Variants in FN3KRP observed in about 807,000 individuals in gnomAD.
FN3KRP encodes ketosamine-3-kinase.
In FN3KRP, 33 loss-of-function variants were observed where a neutral mutation model predicts 29.8. That is an observed-to-expected ratio of 1.11 (90% CI 0.84 to 1.48). The LOEUF (loss-of-function observed/expected upper bound fraction) is 1.48. Among genes scored for constraint, FN3KRP ranks in the 40% most tolerant of loss-of-function variants. The pLI, the probability that FN3KRP is intolerant of heterozygous loss-of-function variation, is 0.00. For synonymous variants in FN3KRP, 157 were observed against 155.2 expected, an observed-to-expected ratio of 1.01 and a Z score of -0.09; for missense variants, 430 against 402.6, an observed-to-expected ratio of 1.07 and a Z score of -0.58.
intron 3 of FN3KRP, chr17:82,721,077 ATTCT>A (rs751217332): frequency 6.1e-4 from 92 of 151,932 alleles, no homozygotes; most frequent in Non-Finnish European, 8.8e-4. Flanking sequence ...GAGGAGTGAG[ATTCT>A]TTCTTTCTTT....
chr17:82,723,043 C>T (rs1424419347), intron 4 of FN3KRP, among the ~76,000 whole-genome samples, 157 bp downstream of exon 4: 1 of 152,170 alleles, frequency 6.6e-6, no homozygotes, highest in Non-Finnish European at 1.5e-5. Context: ...GTAAGATTGA[C>T]CCACCTAATA....
intron 4 of FN3KRP, 53 bp downstream of exon 4, chr17:82,722,939 C>T: frequency 6.5e-7 from 1 of 1,530,762 alleles, no homozygotes; most frequent in Non-Finnish European, 9.0e-7. Flanking sequence ...TGTTCAGACA[C>T]ACGGGTTGGG....
At chr17:82,718,278 C>T (rs4789712) in intron 1 of FN3KRP, among the ~76,000 whole-genome samples, 30,203 of 151,994 alleles carry the variant, frequency 0.2, 3,088 homozygotes, top group Admixed American at 0.25. Context: ...AAGGAAAGGC[C>T]GCTGGCTCTG....
chr17:82,727,911 C>T lies in FN3KRP; in HGVS notation c.*740C>T, dbSNP rs2046850257. On this transcript the variant is annotated 3_prime_UTR_variant, in exon 6 of 6. Transcript: ENST00000269373. ...AAATACATGCTGAACTCATATTTTT[C>T]CTTCCTTCACTGTTGTAGTAAAGAG... 6.6e-6 allele frequency: 1 copy of T among 152,124 alleles called. No individual in the cohort carries two copies. Among genetic ancestry groups the T allele is most frequent in the Non-Finnish European group, 1.5e-5 (1 of 68,038 alleles). 9.4% of individuals were successfully genotyped at this position (152,124 alleles called of 1,614,324 possible). A position where few individuals can be genotyped will look rare whatever the true frequency, so the allele number is the denominator to read the frequency against.
At chr17:82,719,627 C>A (rs1262709297) in intron 2 of FN3KRP, among the ~76,000 whole-genome samples, 1 of 152,260 alleles carries the variant, frequency 6.6e-6, no homozygotes, top group East Asian at 1.9e-4. Context: ...TGGTGGCAGG[C>A]GCCTCTAATT....
intron 1 of FN3KRP, among the ~76,000 whole-genome samples, chr17:82,718,235 G>A (rs4789711): frequency 0.2 from 30,046 of 151,704 alleles, 3,022 homozygotes; most frequent in Admixed American, 0.25. Context: ...GGATGGGAGA[G>A]CAGGCAGGGC....
At chr17:82,717,064 G>GAACGGGGGC (rs1391625194) in intron 1 of FN3KRP, among the ~76,000 whole-genome samples, 168 bp downstream of exon 1, 1 of 152,180 alleles carries the variant, frequency 6.6e-6, no homozygotes, top group East Asian at 1.9e-4. Context: ...GGCGAGCGGT[G>GAACGGGGGC]AACGGGGGCG....
Position 82,726,735 on chromosome 17 carries a change from A to G in FN3KRP, c.592-98A>G, listed in dbSNP as rs115618035. 2,060 of 1,498,414 alleles carry G rather than the reference A, an allele frequency of 1.4e-3. 19 individuals carry two copies. In the African/African-American group the frequency reaches 0.026, roughly 19 times the overall value. The allele number at this position is 1,498,414 out of a possible 1,614,324, so 92.8% of individuals were successfully genotyped here. A position where few individuals can be genotyped will look rare whatever the true frequency, so the allele number is the denominator to read the frequency against. Reference sequence around the variant, plus strand: ...GGAAGCGGGTGCCTGGTGGTGTGCTATCCGCTGCTGCCTGGGCTGGGGGCG... The same window carrying G: ...GGAAGCGGGTGCCTGGTGGTGTGCTGTCCGCTGCTGCCTGGGCTGGGGGCG... On this transcript the variant is annotated intron_variant, in intron 5 of 5. Transcript: ENST00000269373.
intron 3 of FN3KRP, among the ~76,000 whole-genome samples, chr17:82,721,942 C>T (rs568048111): frequency 6.6e-6 from 1 of 151,642 alleles, no homozygotes; most frequent in East Asian, 1.9e-4. Context: ...TCAAGTGATT[C>T]TCCTGCCTCA....
rs141876553 is a variant in FN3KRP, at chr17:82,721,137, G to A, written c.385+774G>A. Among the ~76,000 whole-genome samples the A allele has an allele frequency of 2.5e-3, 387 of 152,256 alleles. 2 individuals are homozygous for A. The highest frequency in any genetic ancestry group is 0.014 in the Middle Eastern group (4 of 294). Reference sequence around the variant, plus strand: ...AGTTTCACTCTTGTCCCCCAGGCTGGAGGGCAGTGGTGCAATCTTGGCTCA... The same window carrying A: ...AGTTTCACTCTTGTCCCCCAGGCTGAAGGGCAGTGGTGCAATCTTGGCTCA... On this transcript the variant is annotated intron_variant, in intron 3 of 5. Transcript: ENST00000269373.
intron 4 of FN3KRP, among the ~76,000 whole-genome samples, chr17:82,725,230 G>A (rs1273256935): frequency 6.6e-6 from 1 of 152,096 alleles, no homozygotes; most frequent in Non-Finnish European, 1.5e-5. Flanking sequence ...CTGGGCTCAA[G>A]CCATCCTCCT....
At chr17:82,721,713 G>A (rs1157360702) in intron 3 of FN3KRP, among the ~76,000 whole-genome samples, 1 of 151,636 alleles carries the variant, frequency 6.6e-6, no homozygotes, top group African/African-American at 2.4e-5. Context: ...CGTGTTAGCC[G>A]GGATGGTCTC....
At chr17:82,722,221 G>A (rs1472028149) in intron 3 of FN3KRP, among the ~76,000 whole-genome samples, 4 of 151,970 alleles carry the variant, frequency 2.6e-5, no homozygotes, top group Admixed American at 1.3e-4. Flanking sequence ...TGCAACCTCC[G>A]CCTCCCGGGT....
Position 82,720,274 on chromosome 17 carries a change from A to C in FN3KRP, c.296A>C (p.His99Pro). The change falls in exon 3 of 6, where the codon CAT becomes CCT. Residue 99 changes from histidine (H) to proline (P), a missense_variant and splice_region_variant. Coordinates refer to ENST00000269373, the MANE Select transcript of FN3KRP (RefSeq NM_024619.4). Reference protein sequence around the residue: ...EHMDMRHLSSHAAKLGAQLAD... With the variant: ...EHMDMRHLSSPAAKLGAQLAD... The stretch of plus-strand genomic sequence containing the variant: ...GTTGCTGTCGTTTGATTTGACAGTC[A>C]TGCTGCAAAGCTTGGAGCCCAGCTG... 1 of 1,613,842 alleles carries C rather than the reference A, an allele frequency of 6.2e-7. No homozygotes were observed. The highest frequency in any genetic ancestry group is 1.1e-5 in the South Asian group (1 of 91,076).
chr17:82,717,843 G>A (rs1294513877), intron 1 of FN3KRP, among the ~76,000 whole-genome samples: 1 of 152,176 alleles, frequency 6.6e-6, no homozygotes, highest in Non-Finnish European at 1.5e-5. Context: ...TCAGGAGCAC[G>A]AGGAGAGTGT....
At chr17:82,720,588 G>A (rs896555678) in intron 3 of FN3KRP, among the ~76,000 whole-genome samples, 2 of 152,174 alleles carry the variant, frequency 1.3e-5, no homozygotes, top group African/African-American at 4.8e-5. Context: ...ACATTTGCTG[G>A]ACACAAGACA....
intron 1 of FN3KRP, chr17:82,718,664 C>G: frequency 8.0e-7 from 1 of 1,252,748 alleles, no homozygotes; most frequent in Non-Finnish European, 1.0e-6. Context: ...CCAATTCAAC[C>G]ACAGCACACA....
At chr17:82,722,156 CG>C (rs916395631) in intron 3 of FN3KRP, among the ~76,000 whole-genome samples, 18 of 132,410 alleles carry the variant, frequency 1.4e-4, no homozygotes, top group African/African-American at 4.9e-4. Flanking sequence ...TTTTTTGAGA[CG>C]GAGTTTCACT....
At chr17:82,722,966 C>CT in intron 4 of FN3KRP, 80 bp downstream of exon 4, 3 of 1,264,124 alleles carry the variant, frequency 2.4e-6, no homozygotes, top group South Asian at 1.3e-5. Flanking sequence ...CACCCCCCTC[C>CT]TTTTTTTGTG....
Sources: gnomAD v4.1 joint callset for allele counts (sites outside exome capture counted in the v4.1 genomes callset) on GRCh38, gnomAD v4.1.1 for gene constraint, MANE v1.5 for transcripts, NCBI Gene and HGNC (gene_info 2026-07-23, HGNC 2026-07-21) for gene names.